The following ARHGEF12 variants were observed in gnomAD, a reference collection of about 807,000 sequenced individuals.
ARHGEF12 encodes the protein Rho guanine nucleotide exchange factor 12.
A neutral mutation model predicts 211.2 loss-of-function variants in ARHGEF12; 66 were observed. The ratio of observed to expected loss-of-function variants is 0.31; its 90% CI spans 0.26 to 0.38. The LOEUF (loss-of-function observed/expected upper bound fraction) is 0.38. Among genes scored for constraint, ARHGEF12 ranks in the 10% least tolerant of loss-of-function variants. ARHGEF12 has a pLI of 1.00. For synonymous variants in ARHGEF12, 592 were observed against 638.4 expected, an observed-to-expected ratio of 0.93 and a Z score of 1.09; for missense variants, 1,429 against 1,869.5, an observed-to-expected ratio of 0.76 and a Z score of 4.34.
In ARHGEF12 at chr11:120,442,091, T is replaced by G; in HGVS notation, c.1204-13T>G. ...TCCTCATTTTGTCTTTTTCATTCCT[T>G]TCTCCACTACAGCTCTGTTATCTCT... On this transcript the variant is annotated splice_polypyrimidine_tract_variant and intron_variant, in intron 14 of 40. Transcript: ENST00000397843. 6.4e-7 allele frequency: 1 copy of G among 1,554,536 alleles called. No individual in the cohort carries two copies. The highest frequency in any genetic ancestry group is 8.7e-7 in the Non-Finnish European group (1 of 1,146,084).
Position 120,457,840 on chromosome 11 carries a change from A to G in ARHGEF12, c.2225+84A>G, listed in dbSNP as rs1946411658. The G allele has an allele frequency of 2.1e-6, 3 of 1,444,820 alleles. 1 individual carries two copies. In the South Asian group the frequency reaches 3.7e-5, roughly 18 times the overall value. The allele number at this position is 1,444,820 out of a possible 1,614,324, so 89.5% of individuals were successfully genotyped here. On this transcript the variant is annotated intron_variant, in intron 24 of 40. Transcript: ENST00000397843. ...TCCTCTAAAGTTTCATTTTAAAGGA[A>G]AAGAAACCCTGTATACCAATCTGTT... is the stretch of plus-strand genomic sequence containing the variant.
In ARHGEF12 at chr11:120,448,255, T is replaced by A; in HGVS notation, c.1644T>A (p.Ile548=). The A allele has an allele frequency of 6.2e-7, 1 of 1,613,980 alleles. No individual in the cohort carries two copies. The highest frequency in any genetic ancestry group is 8.5e-7 in the Non-Finnish European group (1 of 1,179,826). The stretch of plus-strand genomic sequence containing the variant: ...CCAGCTCCACCATGCAGTATGTTAT[T>A]CTCATGTATATGAAGCATTTGGGAG... ...EDKSSTMQYV[I]LMYMKHLGVK... The change falls in exon 20 of 41, where the codon ATT becomes ATA. Residue 548 remains isoleucine (I), a synonymous_variant. Transcript: ENST00000397843.
intron 7 of ARHGEF12, among the ~76,000 whole-genome samples, chr11:120,427,331 T>A (rs1945376026): frequency 6.6e-6 from 1 of 152,182 alleles, no homozygotes; most frequent in Non-Finnish European, 1.5e-5. Context: ...TCATACTCAT[T>A]TTGTAAAGTT....
At chr11:120,347,768 C>T (rs963435894) in intron 1 of ARHGEF12, among the ~76,000 whole-genome samples, 21 of 152,008 alleles carry the variant, frequency 1.4e-4, no homozygotes, top group African/African-American at 4.8e-4. Flanking sequence ...ATGAGACATT[C>T]TGTTATGGAT....
intron 1 of ARHGEF12, among the ~76,000 whole-genome samples, chr11:120,368,870 C>T (rs1191685599): frequency 6.6e-6 from 1 of 151,904 alleles, no homozygotes; most frequent in African/African-American, 2.4e-5. Flanking sequence ...ATTTTTTCTG[C>T]CCCCTCCCTC....
chr11:120,465,022 A>G, intron 27 of ARHGEF12: 1 of 530,094 alleles, frequency 1.9e-6, no homozygotes, highest in Non-Finnish European at 3.2e-6. Flanking sequence ...GAAAAAAAAA[A>G]GAAGAAGAAA....
At chr11:120,367,353 C>CTT (rs1025919456) in intron 1 of ARHGEF12, among the ~76,000 whole-genome samples, 1,294 of 59,310 alleles carry the variant, frequency 0.022, 301 homozygotes, top group African/African-American at 0.061. Flanking sequence ...ATACTTTTTC[C>CTT]TTTTTTTTTT....
intron 22 of ARHGEF12, among the ~76,000 whole-genome samples, chr11:120,454,703 C>G (rs1392468189): frequency 6.6e-6 from 1 of 152,234 alleles, no homozygotes; most frequent in Admixed American, 6.5e-5. Context: ...TGTGCCCACT[C>G]AGGTGGCTGT....
intron 38 of ARHGEF12, among the ~76,000 whole-genome samples, chr11:120,480,790 T>C (rs1443266213): frequency 6.6e-6 from 1 of 152,052 alleles, no homozygotes; most frequent in Non-Finnish European, 1.5e-5. Flanking sequence ...GATCAGGGAT[T>C]AGGACCTCCG....
chr11:120,484,415 A>C, intron 39 of ARHGEF12, 23 bp from the exon 40 acceptor site: 1 of 1,606,424 alleles, frequency 6.2e-7, no homozygotes, highest in Non-Finnish European at 8.5e-7. Context: ...TTGAATAAAA[A>C]ACCTATGGGT....
rs181364540 is a variant in ARHGEF12 at position 120,470,652 on chromosome 11, G to A, written c.2955+1264G>A. ...GCTGAGTATGATTACAACTCTCTTG[G>A]TGAGGCTGTAGAAAAACTAGTACTT... On this transcript the variant is annotated intron_variant, in intron 30 of 40. Coordinates refer to ENST00000397843, the MANE Select transcript of ARHGEF12 (RefSeq NM_015313.3). Among the ~76,000 whole-genome samples the A allele has an allele frequency of 4.1e-3, 629 of 152,334 alleles. 5 individuals carry two copies. Among genetic ancestry groups the A allele is most frequent in the Non-Finnish European group, 6.1e-3 (417 of 68,034 alleles).
At chr11:120,440,266 A>C in intron 13 of ARHGEF12, 45 bp downstream of exon 13, 1 of 1,492,638 alleles carries the variant, frequency 6.7e-7, no homozygotes, top group Non-Finnish European at 9.3e-7. Context: ...TACTTTCTGC[A>C]ATATCTGATT....
At chr11:120,436,615 G>T (rs1466677272) in intron 11 of ARHGEF12, among the ~76,000 whole-genome samples, 1 of 152,136 alleles carries the variant, frequency 6.6e-6, no homozygotes, top group African/African-American at 2.4e-5. Flanking sequence ...AAATGCATCT[G>T]TACTGAATAT....
chr11:120,408,046 A>T (rs1944766024), intron 3 of ARHGEF12: 1 of 401,956 alleles, frequency 2.5e-6, no homozygotes, highest in African/African-American at 2.0e-5. Context: ...TGTAGAGTAT[A>T]TTGTATCTTT....
chr11:120,393,140 A>G (rs1411781991), intron 1 of ARHGEF12, among the ~76,000 whole-genome samples: 4 of 152,246 alleles, frequency 2.6e-5, no homozygotes. Context: ...GCACCATAAT[A>G]GTTAAGTAGA....
intron 1 of ARHGEF12, chr11:120,385,193 A>G: frequency 1.9e-6 from 1 of 522,500 alleles, no homozygotes; most frequent in Non-Finnish European, 2.5e-6. Context: ...ATTCTAGGGA[A>G]ATGTATATGG....
chr11:120,340,233 T>G (rs923135208), intron 1 of ARHGEF12, among the ~76,000 whole-genome samples: 15 of 152,220 alleles, frequency 9.9e-5, no homozygotes, highest in Non-Finnish European at 1.8e-4. Context: ...CTATAGCAAT[T>G]GGAATTTCTT....
chr11:120,430,451 A>G (rs1945490909), intron 10 of ARHGEF12, among the ~76,000 whole-genome samples: 1 of 152,188 alleles, frequency 6.6e-6, no homozygotes, highest in Non-Finnish European at 1.5e-5. Context: ...TAATTTAAAA[A>G]TAGATTTCAG....
At chr11:120,396,942 CTA>C (rs928860088) in intron 1 of ARHGEF12, among the ~76,000 whole-genome samples, 2 of 152,172 alleles carry the variant, frequency 1.3e-5, no homozygotes, top group African/African-American at 4.8e-5. Flanking sequence ...CTGAGAATCT[CTA>C]TATGAGTTTA....
Sources: gnomAD v4.1 joint callset for allele counts (sites outside exome capture counted in the v4.1 genomes callset) on GRCh38, gnomAD v4.1.1 for gene constraint, MANE v1.5 for transcripts, NCBI Gene and HGNC (gene_info 2026-07-23, HGNC 2026-07-21) for gene names.